Variants in ANO9 observed in about 807,000 individuals in gnomAD.
The protein encoded by ANO9 is anoctamin 9.
ANO9 carries 80 observed loss-of-function variants against 100.5 expected under a neutral mutation model. That is an observed-to-expected ratio of 0.80 (90% CI 0.66 to 0.96). The LOEUF is 0.96. Ranked by LOEUF, ANO9 falls within the 40% of genes least tolerant of loss-of-function variation. The pLI is 0.00. For synonymous variants in ANO9, 473 were observed against 435.6 expected, an observed-to-expected ratio of 1.09 and a Z score of -1.07; for missense variants, 1,064 against 1,072.7, an observed-to-expected ratio of 0.99 and a Z score of 0.11.
At chr11:426,562 G>A (rs977901346) in intron 15 of ANO9, among the ~76,000 whole-genome samples, 1 of 152,102 alleles carries the variant, frequency 6.6e-6, no homozygotes, top group Non-Finnish European at 1.5e-5. Flanking sequence ...AATGGATCAA[G>A]ATACTGTCTC....
Position 433,456 on chromosome 11 carries a change from T to C in ANO9, c.208A>G (p.Ile70Val). The C allele has an allele frequency of 6.2e-7, 1 of 1,613,026 alleles. No individual in the cohort carries two copies. The highest frequency in any genetic ancestry group is 8.5e-7 in the Non-Finnish European group (1 of 1,179,838). ...LRRKGFHIKV[I>V]RDQKQVFFGI... is the part of the protein sequence containing the mutation. Reference sequence around the variant, plus strand: ...AAGAAGACCTGTTTCTGGTCCCGGATCACCTGGGGGCACATGGGATCCTCT... The same window carrying C: ...AAGAAGACCTGTTTCTGGTCCCGGACCACCTGGGGGCACATGGGATCCTCT... Residue 70 changes from isoleucine to valine, a missense_variant, in exon 4 of 23, where the codon ATC (isoleucine) becomes GTC (valine). Physicochemically the swap from Ile to Val is conservative, Grantham distance 29 (BLOSUM62 3). Coordinates refer to ENST00000332826, the MANE Select transcript of ANO9 (RefSeq NM_001012302.3).
At chr11:441,141 G>A (rs1241304340) in intron 1 of ANO9, among the ~76,000 whole-genome samples, 1 of 152,188 alleles carries the variant, frequency 6.6e-6, no homozygotes, top group Non-Finnish European at 1.5e-5. Context: ...GCAAGAGGCC[G>A]CCGGCGCAGC....
At chr11:427,700 T>C (rs1396282570) in intron 15 of ANO9, among the ~76,000 whole-genome samples, 2 of 151,980 alleles carry the variant, frequency 1.3e-5, no homozygotes, top group East Asian at 3.9e-4. Flanking sequence ...AGCAAGACCC[T>C]GTCTCTGTCT....
intron 1 of ANO9, among the ~76,000 whole-genome samples, chr11:435,459 G>C (rs571884104): frequency 1.3e-5 from 2 of 151,992 alleles, no homozygotes; most frequent in African/African-American, 4.8e-5. Context: ...GCATAGGATA[G>C]CATAGTATAG....
In ANO9 at chr11:419,709, C is replaced by T. The variant is rs373270640; in HGVS notation, c.1807G>A (p.Glu603Lys). 1.9e-6 allele frequency: 3 copies of T among 1,602,514 alleles called. No homozygotes were observed. The highest frequency in any genetic ancestry group is 1.5e-5 in the African/African-American group (1 of 68,906). ...ATGACCGCCAGCACACCGATGGTCT[C>T]CAGCACCTGCAGCCAGGTCCCTGCA... Reference protein sequence around the residue: ...KDIGTWLQVLETIGVLAVIAN... With the variant: ...KDIGTWLQVLKTIGVLAVIAN... The change falls in exon 20 of 23, where the codon GAG becomes AAG. Residue 603 changes from glutamate (E) to lysine (K), a missense_variant. By Grantham distance (56) the Glu-to-Lys change is moderately conservative. Transcript: ENST00000332826.
chr11:432,073 G>A lies in ANO9; in HGVS notation c.351-19C>T, dbSNP rs1365784863. 1 of 1,612,322 alleles carries A rather than the reference G, an allele frequency of 6.2e-7. No homozygotes were observed. Among genetic ancestry groups the A allele is most frequent in the Non-Finnish European group, 8.5e-7 (1 of 1,179,678 alleles). On this transcript the variant is annotated intron_variant, in intron 4 of 22. Coordinates refer to ENST00000332826, the MANE Select transcript of ANO9 (RefSeq NM_001012302.3). The surrounding 1 kb of genome is among the most constrained non-coding windows in gnomAD (Gnocchi z 4.8). The stretch of plus-strand genomic sequence containing the variant: ...TCTGAGACTCAAGAGCCAGAGCAGG[G>A]TGGCCCCGTGTGACCACAGTGGACC...
Position 420,689 on chromosome 11 carries a change from C to T in ANO9, c.1633+29G>A, listed in dbSNP as rs199998086. 1.1e-5 allele frequency: 18 copies of T among 1,602,444 alleles called. No individual in the cohort carries two copies. In the East Asian group the frequency reaches 3.1e-4, roughly 28 times the overall value. ...GACCCCCGCCCCGCATTCGTCTCCG[C>T]GAACCCCCGCCCCGCAGCGCCCACG... is the stretch of plus-strand genomic sequence containing the variant. On this transcript the variant is annotated intron_variant, in intron 18 of 22. Transcript: ENST00000332826.
chr11:421,368 ACG>A lies in ANO9; in HGVS notation c.1335-172_1335-171del, dbSNP rs1219372817. 14 of 587,894 alleles carry A rather than the reference ACG, an allele frequency of 2.4e-5. No individual in the cohort carries two copies. The highest frequency in any genetic ancestry group is 1.4e-4 in the African/African-American group (7 of 51,646). The allele number at this position is 587,894 out of a possible 1,614,324, so 36.4% of individuals were successfully genotyped here. A position where few individuals can be genotyped will look rare whatever the true frequency, so the allele number is the denominator to read the frequency against. On this transcript the variant is annotated intron_variant, in intron 15 of 22. Coordinates refer to ENST00000332826, the MANE Select transcript of ANO9 (RefSeq NM_001012302.3). The surrounding 1 kb of genome is among the most constrained non-coding windows in gnomAD (Gnocchi z 6.8). Reference sequence around the variant, plus strand: ...AGATGAACCGCACCCGCACGTGGGCACGCACACACACACACACACACACAGGG... The same window carrying A: ...AGATGAACCGCACCCGCACGTGGGCACACACACACACACACACACACAGGG...
chr11:431,945 G>A (rs758689124), intron 5 of ANO9, 39 bp from the exon 6 acceptor site: 1 of 1,612,026 alleles, frequency 6.2e-7, no homozygotes, highest in Non-Finnish European at 8.5e-7. Flanking sequence ...GGAGTGAGGT[G>A]CTGGGAGAAC....
chr11:433,201 G>T, intron 4 of ANO9, 113 bp downstream of exon 4: 1 of 1,427,346 alleles, frequency 7.0e-7, no homozygotes, highest in Non-Finnish European at 9.3e-7. Flanking sequence ...AGACCACACG[G>T]CTGTCCTGCC....
intron 1 of ANO9, among the ~76,000 whole-genome samples, chr11:438,107 C>T (rs1406900341): frequency 1.3e-5 from 2 of 152,114 alleles, no homozygotes; most frequent in African/African-American, 2.4e-5. Flanking sequence ...CCAAAGACAC[C>T]GTGCAGCACT....
chr11:439,503 C>A (rs73385803), intron 1 of ANO9, among the ~76,000 whole-genome samples: 3,421 of 151,804 alleles, frequency 0.023, 111 homozygotes, highest in African/African-American at 0.078. Context: ...CACATCCCCC[C>A]AGCTGTGCAT....
At chr11:441,694 G>A (rs529209512) in intron 1 of ANO9, among the ~76,000 whole-genome samples, 1 of 152,208 alleles carries the variant, frequency 6.6e-6, no homozygotes, top group African/African-American at 2.4e-5. Flanking sequence ...AGGGAGGAAC[G>A]CCGCCCGCCT....
chr11:429,704 G>C, intron 10 of ANO9, 52 bp from the exon 11 acceptor site: 1 of 1,612,284 alleles, frequency 6.2e-7, no homozygotes, highest in East Asian at 2.2e-5. Flanking sequence ...GTGGACCTCG[G>C]AGCTTGGGCT....
At chr11:419,102 C>A in intron 20 of ANO9, 113 bp from the exon 21 acceptor site, 1 of 1,544,368 alleles carries the variant, frequency 6.5e-7, no homozygotes, top group South Asian at 1.2e-5. Context: ...GGGGGCCACG[C>A]CACAGACTGC....
chr11:420,404 G>T, intron 19 of ANO9, 59 bp downstream of exon 19: 1 of 1,579,214 alleles, frequency 6.3e-7, no homozygotes, highest in Non-Finnish European at 8.5e-7. Context: ...TGGCCAGCGG[G>T]AAGCCCACAG....
At chr11:441,729 C>T (rs1357465830) in intron 1 of ANO9, among the ~76,000 whole-genome samples, 192 bp downstream of exon 1, 1 of 152,172 alleles carries the variant, frequency 6.6e-6, no homozygotes, top group Non-Finnish European at 1.5e-5. Context: ...CCCCAGCGTG[C>T]CCCAGGAGTC....
At position 428,582 on chromosome 11, in the gene ANO9, C is replaced by G; in HGVS notation, c.1078G>C (p.Ala360Pro). 1.2e-6 allele frequency: 2 copies of G among 1,612,624 alleles called. No homozygotes were observed. The highest frequency in any genetic ancestry group is 1.7e-6 in the Non-Finnish European group (2 of 1,179,906). The change falls in exon 13 of 23, where the codon GCG (alanine) becomes CCG (proline). Residue 360 changes from alanine (A) to proline (P), a missense_variant. Coordinates refer to ENST00000332826, the MANE Select transcript of ANO9 (RefSeq NM_001012302.3). ...GGCACGGCCGAGCTGCTGAAGAGCG[C>G]GGAGGCCAGGACGCGGTAGACCACC... ...VLVVYRVLAS[A>P]LFSSSAVPFL...
At chr11:420,110 G>C (rs1193706006) in intron 19 of ANO9, 111 of 1,317,196 alleles carry the variant, frequency 8.4e-5, no homozygotes, top group Non-Finnish European at 1.1e-4. Flanking sequence ...CCCAGCTCCC[G>C]TCGCTCCCCT....
Sources: gnomAD v4.1 joint callset for allele counts (sites outside exome capture counted in the v4.1 genomes callset) on GRCh38, gnomAD v4.1.1 for gene constraint, Gnocchi (gnomAD v3.1) non-coding constraint, MANE v1.5 for transcripts, NCBI Gene and HGNC (gene_info 2026-07-23, HGNC 2026-07-21) for gene names.